The following RPS6KC1 variants were observed in gnomAD, a reference collection of about 807,000 sequenced individuals.
RPS6KC1 encodes the protein inactive ribosomal protein S6 kinase delta-1.
A neutral mutation model predicts 103.8 loss-of-function variants in RPS6KC1; 54 were observed. That is an observed-to-expected ratio of 0.52 (90% CI 0.42 to 0.65). The LOEUF is 0.65. RPS6KC1 is among the 30% of genes least tolerant of loss of function. RPS6KC1 has a pLI of 0.00. For missense variants in RPS6KC1, 1,151 were observed against 1,253.8 expected (o/e 0.92, Z 1.24); for synonymous variants, 439 against 438.7 (o/e 1.00, Z -0.01).
At chr1:213,588,425 A>G in the RPS6KC1 span, among the ~76,000 whole-genome samples, 27 of 151,538 alleles carry the variant, frequency 1.8e-4, no homozygotes, top group Non-Finnish European at 2.9e-4. Flanking sequence ...CAGCCTCCTG[A>G]GTGGCTGGGA....
At chr1:213,557,633 T>C in the RPS6KC1 span, among the ~76,000 whole-genome samples, 12 of 152,322 alleles carry the variant, frequency 7.9e-5, no homozygotes, top group South Asian at 1.2e-3. Flanking sequence ...ACTATGTGGG[T>C]ATTTTAATAT....
the RPS6KC1 span, among the ~76,000 whole-genome samples, chr1:213,475,830 C>T: frequency 6.6e-6 from 1 of 152,172 alleles, no homozygotes; most frequent in South Asian, 2.1e-4. Context: ...GGTGGGGCCT[C>T]TTGCTTTTAC....
chr1:213,502,337 A>G, the RPS6KC1 span, among the ~76,000 whole-genome samples: 6 of 152,220 alleles, frequency 3.9e-5, no homozygotes, highest in African/African-American at 1.4e-4. Context: ...TATTTGTGTC[A>G]TATAAGACAA....
the RPS6KC1 span, among the ~76,000 whole-genome samples, chr1:213,538,756 A>G: frequency 1.3e-5 from 2 of 152,176 alleles, no homozygotes; most frequent in Non-Finnish European, 1.5e-5. Context: ...TCTGAAGAAC[A>G]TGCATTTTAC....
At chr1:213,062,798 C>T (rs979841222) in intron 1 of RPS6KC1, among the ~76,000 whole-genome samples, 2 of 152,182 alleles carry the variant, frequency 1.3e-5, no homozygotes, top group African/African-American at 4.8e-5. Context: ...TGTGATCCGC[C>T]AGCCTCGGCC....
At chr1:213,815,428 T>C in the RPS6KC1 span, among the ~76,000 whole-genome samples, 1 of 152,226 alleles carries the variant, frequency 6.6e-6, no homozygotes, top group Non-Finnish European at 1.5e-5. Context: ...CACCCCAAGT[T>C]GTAAAACATT....
At chr1:213,816,245 A>G in the RPS6KC1 span, among the ~76,000 whole-genome samples, 1 of 152,334 alleles carries the variant, frequency 6.6e-6, no homozygotes, top group East Asian at 1.9e-4. Context: ...ACACAGAGTG[A>G]GCATGTGATA....
At chr1:213,067,434 G>A (rs1258597348) in intron 1 of RPS6KC1, among the ~76,000 whole-genome samples, 1 of 152,142 alleles carries the variant, frequency 6.6e-6, no homozygotes, top group Non-Finnish European at 1.5e-5. Context: ...CTGTCCGTGG[G>A]ACCATTGGGT....
chr1:213,437,840 T>C, the RPS6KC1 span, among the ~76,000 whole-genome samples: 2 of 152,016 alleles, frequency 1.3e-5, no homozygotes, highest in African/African-American at 2.4e-5. Flanking sequence ...AATCTCCTAA[T>C]ATGTGAATTT....
the RPS6KC1 span, among the ~76,000 whole-genome samples, chr1:213,475,636 G>A: frequency 6.6e-6 from 1 of 151,710 alleles, no homozygotes; most frequent in Non-Finnish European, 1.5e-5. Context: ...CAGTCTCTTC[G>A]GGGGCCCCCA....
At chr1:213,215,204 C>T (rs1181047527) in intron 8 of RPS6KC1, among the ~76,000 whole-genome samples, 1 of 152,168 alleles carries the variant, frequency 6.6e-6, no homozygotes, top group Non-Finnish European at 1.5e-5. Context: ...GAGCTGAAAA[C>T]CATGGCACGA....
At chr1:213,504,953 T>C in the RPS6KC1 span, among the ~76,000 whole-genome samples, 1 of 152,160 alleles carries the variant, frequency 6.6e-6, no homozygotes, top group Non-Finnish European at 1.5e-5. Context: ...ACCTCATTCC[T>C]AATCCTATGA....
intron 8 of RPS6KC1, among the ~76,000 whole-genome samples, chr1:213,183,554 G>A (rs1187003209): frequency 6.8e-6 from 1 of 147,446 alleles, no homozygotes; most frequent in African/African-American, 2.4e-5. Context: ...TAATTCATGG[G>A]TTGAAGAAGA....
At chr1:213,311,628 G>A in the RPS6KC1 span, among the ~76,000 whole-genome samples, 1 of 152,124 alleles carries the variant, frequency 6.6e-6, no homozygotes, top group Non-Finnish European at 1.5e-5. Context: ...CATGTTGGGG[G>A]TGGGTGATGG....
chr1:213,483,747 A>G, the RPS6KC1 span, among the ~76,000 whole-genome samples: 1 of 152,260 alleles, frequency 6.6e-6, no homozygotes, highest in Non-Finnish European at 1.5e-5. Context: ...AGCTCCTAGC[A>G]TAAAGAGTGA....
chr1:213,338,010 ATGGT>A, the RPS6KC1 span, among the ~76,000 whole-genome samples: 3 of 152,138 alleles, frequency 2.0e-5, no homozygotes, highest in East Asian at 5.8e-4. Context: ...GTCTGCATGT[ATGGT>A]TGAGAGTGTA....
the RPS6KC1 span, among the ~76,000 whole-genome samples, chr1:213,363,679 TTTCTTTCTTTCTTTCTTTCTTTC>T: frequency 2.2e-5 from 2 of 89,442 alleles, no homozygotes; most frequent in African/African-American, 1.1e-4. Flanking sequence ...TCTTTCTTTC[TTTCTTTCTTTCTTTCTTTCTTTC>T]CTTCTTTCTT....
chr1:213,232,506 T>G (rs1297802139), intron 10 of RPS6KC1, among the ~76,000 whole-genome samples: 1 of 152,176 alleles, frequency 6.6e-6, no homozygotes, highest in Non-Finnish European at 1.5e-5. Context: ...GGAATTTACC[T>G]AATATAATGA....
chr1:213,277,827 G>A (rs1412080353), downstream of RPS6KC1, among the ~76,000 whole-genome samples: 2 of 152,160 alleles, frequency 1.3e-5, no homozygotes, highest in Non-Finnish European at 1.5e-5. Flanking sequence ...CAGCTTTGGG[G>A]TACATTTAGA....
Sources: gnomAD v4.1 joint callset for allele counts (sites outside exome capture counted in the v4.1 genomes callset) on GRCh38, gnomAD v4.1.1 for gene constraint, MANE v1.5 for transcripts, NCBI Gene and HGNC (gene_info 2026-07-23, HGNC 2026-07-21) for gene names.